Variants in RASGRF2 observed in about 807,000 individuals in gnomAD.
RASGRF2 encodes Ras protein specific guanine nucleotide releasing factor 2, also known as ras-specific guanine nucleotide-releasing factor 2.
Under a neutral mutation model 151.0 loss-of-function variants are expected in RASGRF2, and 76 were observed. The observed-to-expected ratio is 0.50, with a 90% CI of 0.42 to 0.61. The LOEUF (loss-of-function observed/expected upper bound fraction) is 0.61. Ranked by LOEUF, RASGRF2 falls within the 20% of genes least tolerant of loss-of-function variation. The probability of loss-of-function intolerance (pLI) is 0.00; values close to 1 mark genes in which losing one functional copy is unlikely to be tolerated. For missense variants in RASGRF2, 1,148 were observed against 1,564.6 expected (o/e 0.73, Z 4.49); for synonymous variants, 504 against 566.5 (o/e 0.89, Z 1.57).
intron 2 of RASGRF2, among the ~76,000 whole-genome samples, chr5:81,058,185 A>G (rs983159894): frequency 6.6e-6 from 1 of 152,130 alleles, no homozygotes; most frequent in Non-Finnish European, 1.5e-5. Context: ...AAGTGGATTT[A>G]TATGTCCTTT....
At chr5:81,079,234 C>G (rs891593576) in intron 5 of RASGRF2, among the ~76,000 whole-genome samples, 2 of 152,086 alleles carry the variant, frequency 1.3e-5, no homozygotes, top group Non-Finnish European at 2.9e-5. Context: ...ATAATACCTG[C>G]CAAAGTAGAT....
chr5:81,032,505 T>C (rs547388260), intron 1 of RASGRF2, among the ~76,000 whole-genome samples: 70 of 152,258 alleles, frequency 4.6e-4, no homozygotes, highest in African/African-American at 1.7e-3. Context: ...TGCAAATCAA[T>C]AAACGTAATC....
At chr5:81,118,432 C>T (rs1229751212) in intron 15 of RASGRF2, among the ~76,000 whole-genome samples, 1 of 152,192 alleles carries the variant, frequency 6.6e-6, no homozygotes, top group Non-Finnish European at 1.5e-5. Context: ...CAGCCCTGGG[C>T]AGCAAATGCT....
At chr5:81,196,275 C>T (rs746360684) in intron 18 of RASGRF2, among the ~76,000 whole-genome samples, 2 of 152,196 alleles carry the variant, frequency 1.3e-5, no homozygotes, top group African/African-American at 2.4e-5. Context: ...CAAATAACAA[C>T]AAAAAATTAT....
At position 81,212,468 on chromosome 5, in the gene RASGRF2, C is replaced by T. The variant is rs1373792813; in HGVS notation, c.3259C>T (p.Leu1087=). The T allele has an allele frequency of 2.5e-6, 4 of 1,613,798 alleles. No individual in the cohort carries two copies. The Admixed American group carries it at 5.0e-5, about 20-fold the overall frequency. ...WVAVADICRC[L]HNYNGVLEIT... is the part of the protein sequence containing the mutation. ...GGCAGTGGCGGACATCTGCCGATGC[C>T]TGCACAACTACAACGGCGTGCTGGA... The change falls in exon 23 of 27, where the codon CTG becomes TTG. Residue 1087 remains leucine (L), a synonymous_variant. Coordinates refer to ENST00000265080, the MANE Select transcript of RASGRF2 (RefSeq NM_006909.3).
intron 18 of RASGRF2, among the ~76,000 whole-genome samples, chr5:81,196,551 A>G (rs1755269020): frequency 6.6e-6 from 1 of 152,148 alleles, no homozygotes; most frequent in Non-Finnish European, 1.5e-5. Flanking sequence ...ATAAAATTAC[A>G]TTATGCTTTT....
Position 81,092,862 on chromosome 5 carries a change from G to A in RASGRF2, c.1452G>A (p.Ser484=), listed in dbSNP as rs774133032. 54 of 1,612,940 alleles carry A rather than the reference G, an allele frequency of 3.3e-5. No individual in the cohort carries two copies. The highest frequency in any genetic ancestry group is 3.3e-4 in the Middle Eastern group (2 of 6,056). Residue 484 remains serine, a synonymous_variant, in exon 10 of 27, where the codon TCG becomes TCA. Coordinates refer to ENST00000265080, the MANE Select transcript of RASGRF2 (RefSeq NM_006909.3). ...RGKLSKVRLG[S]LSLKKEGERQ... ...AACTTAGTAAAGTTCGCCTGGGTTC[G>A]TTGTCTTTGAAAAAGGAAGGAGAGA...
At position 81,207,260 on chromosome 5, in the gene RASGRF2, G is replaced by C; in HGVS notation, c.2982G>C (p.Lys994Asn). 6.2e-7 allele frequency: 1 copy of C among 1,614,140 alleles called. No individual in the cohort carries two copies. Among genetic ancestry groups the C allele is most frequent in the Non-Finnish European group, 8.5e-7 (1 of 1,180,024 alleles). ...ATCTCTTGCAGACTGACTGCATGAAGGCCGAATGCTTTGAGTCCTTGTCGG... is the reference window on the plus strand; with the variant it reads ...ATCTCTTGCAGACTGACTGCATGAACGCCGAATGCTTTGAGTCCTTGTCGG... Reference protein sequence around the residue: ...EDIIQMTDCMKAECFESLSAM... With the variant: ...EDIIQMTDCMNAECFESLSAM... Residue 994 changes from lysine (K) to asparagine (N), a missense_variant, in exon 21 of 27, where the codon AAG becomes AAC. Coordinates refer to ENST00000265080, the MANE Select transcript of RASGRF2 (RefSeq NM_006909.3).
Position 81,227,237 on chromosome 5 carries a change from C to G in RASGRF2, c.*1467C>G, listed in dbSNP as rs181208959. On this transcript the variant is annotated 3_prime_UTR_variant, in exon 27 of 27. Transcript: ENST00000265080. ...AGAGCTAACAGACTAATAAATTCCA[C>G]CTGCTGGCTCTTAAGACTCAGTGAA... 71 of 152,342 alleles carry G rather than the reference C, an allele frequency of 4.7e-4. 1 individual carries two copies. The highest frequency in any genetic ancestry group is 4.4e-5 in the Non-Finnish European group (3 of 68,034). The allele number at this position is 152,342 out of a possible 1,614,324, so 9.4% of individuals were successfully genotyped here.
chr5:81,110,524 C>T (rs1000429350), intron 13 of RASGRF2, among the ~76,000 whole-genome samples: 1 of 152,000 alleles, frequency 6.6e-6, no homozygotes, highest in African/African-American at 2.4e-5. Context: ...ATTTTTTGTC[C>T]TAGTGTTTCA....
chr5:81,144,798 G>A (rs1436537719), intron 17 of RASGRF2, among the ~76,000 whole-genome samples: 2 of 152,168 alleles, frequency 1.3e-5, no homozygotes, highest in Admixed American at 6.5e-5. Flanking sequence ...AGAGAGTTAA[G>A]TAAATCACCT....
At chr5:81,039,684 G>A (rs1561571989) in intron 1 of RASGRF2, among the ~76,000 whole-genome samples, 1 of 152,006 alleles carries the variant, frequency 6.6e-6, no homozygotes, top group African/African-American at 2.4e-5. Flanking sequence ...CAACCATAGA[G>A]GTTGTAAATA....
intron 1 of RASGRF2, among the ~76,000 whole-genome samples, chr5:80,992,988 A>G (rs1470676758): frequency 6.6e-6 from 1 of 152,170 alleles, no homozygotes; most frequent in Admixed American, 6.5e-5. Context: ...CTGGGCTGAG[A>G]CTCGAAAGAA....
chr5:81,067,029 G>A (rs1751628312), intron 2 of RASGRF2, among the ~76,000 whole-genome samples: 1 of 152,182 alleles, frequency 6.6e-6, no homozygotes, highest in Admixed American at 6.5e-5. Context: ...TAAGAACATG[G>A]ACTTCGGGTC....
intron 2 of RASGRF2, among the ~76,000 whole-genome samples, chr5:81,049,034 A>G (rs1031318202): frequency 3.3e-5 from 5 of 151,956 alleles, no homozygotes; most frequent in Non-Finnish European, 7.4e-5. Context: ...CTACTCTACT[A>G]TAACTGTTGT....
chr5:81,000,618 T>G (rs1323550440), intron 1 of RASGRF2, among the ~76,000 whole-genome samples: 1 of 152,224 alleles, frequency 6.6e-6, no homozygotes, highest in African/African-American at 2.4e-5. Flanking sequence ...TTTATGTTTT[T>G]TTTTCCTTAG....
chr5:80,970,859 C>T (rs1427506456), intron 1 of RASGRF2, among the ~76,000 whole-genome samples: 1 of 152,136 alleles, frequency 6.6e-6, no homozygotes, highest in African/African-American at 2.4e-5. Flanking sequence ...TTTACCAAAC[C>T]AATGTTCATT....
At chr5:80,990,538 C>A (rs1431645536) in intron 1 of RASGRF2, among the ~76,000 whole-genome samples, 1 of 152,304 alleles carries the variant, frequency 6.6e-6, no homozygotes, top group African/African-American at 2.4e-5. Flanking sequence ...TTTCCCTTCT[C>A]TAGCTGGCTT....
intron 17 of RASGRF2, among the ~76,000 whole-genome samples, chr5:81,154,390 C>T (rs960650233): frequency 2.0e-5 from 3 of 152,092 alleles, no homozygotes; most frequent in African/African-American, 7.2e-5. Flanking sequence ...ACTGGACTGA[C>T]TAATTCTTTT....
Sources: gnomAD v4.1 joint callset for allele counts (sites outside exome capture counted in the v4.1 genomes callset) on GRCh38, gnomAD v4.1.1 for gene constraint, MANE v1.5 for transcripts, NCBI Gene and HGNC (gene_info 2026-07-23, HGNC 2026-07-21) for gene names.